Variants in PTPRK observed in about 807,000 individuals in gnomAD.
PTPRK encodes protein tyrosine phosphatase receptor type K, also known as receptor-type tyrosine-protein phosphatase kappa.
In PTPRK, 75 loss-of-function variants were observed where a neutral mutation model predicts 178.0. The observed-to-expected ratio is 0.42, with a 90% CI of 0.35 to 0.51. The LOEUF (loss-of-function observed/expected upper bound fraction) is 0.51. PTPRK is among the 20% of genes least tolerant of loss of function. The pLI is 0.02. For missense variants in PTPRK, 1,441 were observed against 1,797.8 expected, an observed-to-expected ratio of 0.80 and a Z score of 3.59; for synonymous variants, 637 against 620.6, an observed-to-expected ratio of 1.03 and a Z score of -0.39.
rs779139088 is a variant in PTPRK, at chr6:127,977,102, T to C, written c.3712-48A>G. ...GAGAAATATAAAAACTTAAAATGTA[T>C]GATCGGTTGTACAAACAGATACAAT... On this transcript the variant is annotated intron_variant, in intron 25 of 29. Coordinates refer to ENST00000368226, the MANE Select transcript of PTPRK (RefSeq NM_002844.4). The C allele has an allele frequency of 1.9e-6, 3 of 1,579,434 alleles. No homozygotes were observed. In the South Asian group the frequency reaches 3.3e-5, roughly 18 times the overall value.
In PTPRK at chr6:128,209,692, G is replaced by C. The variant is rs55736546; in HGVS notation, c.868+9230C>G. Among the ~76,000 whole-genome samples the C allele has an allele frequency of 6.6e-3, 976 of 148,018 alleles. 10 individuals are homozygous for C. Among genetic ancestry groups the C allele is most frequent in the African/African-American group, 0.024 (949 of 39,126 alleles). On this transcript the variant is annotated intron_variant, in intron 6 of 29. Coordinates refer to ENST00000368226, the MANE Select transcript of PTPRK (RefSeq NM_002844.4). The stretch of plus-strand genomic sequence containing the variant: ...CCAATCATGAGTGAGCAAAAGGAAA[G>C]GGGTCCCTAAGTACATCAGTCTCAT...
At chr6:127,986,345 G>A (rs1010131030) in intron 21 of PTPRK, among the ~76,000 whole-genome samples, 1 of 152,182 alleles carries the variant, frequency 6.6e-6, no homozygotes, top group Non-Finnish European at 1.5e-5. Flanking sequence ...AGCATAGCAT[G>A]TAGGGATTTT....
At chr6:128,032,507 G>A (rs956496100) in intron 13 of PTPRK, among the ~76,000 whole-genome samples, 5 of 152,100 alleles carry the variant, frequency 3.3e-5, no homozygotes, top group Admixed American at 6.6e-5. Context: ...AGATAATCCA[G>A]GAAATTTTAA....
chr6:128,368,829 G>A (rs778633695), intron 2 of PTPRK, among the ~76,000 whole-genome samples: 5 of 151,840 alleles, frequency 3.3e-5, no homozygotes, highest in Non-Finnish European at 7.4e-5. Context: ...TACAATTATA[G>A]ACTACAATAA....
chr6:128,028,008 C>A (rs933179715), intron 13 of PTPRK: 4 of 152,210 alleles, frequency 2.6e-5, no homozygotes, highest in African/African-American at 9.7e-5. Context: ...TCCTAATCTA[C>A]CTGCAGCTTT....
At chr6:128,512,859 T>C (rs550242964) in intron 1 of PTPRK, among the ~76,000 whole-genome samples, 1 of 152,286 alleles carries the variant, frequency 6.6e-6, no homozygotes, top group South Asian at 2.1e-4. Context: ...AGCTCCTTAC[T>C]ACAAAGATCT....
At chr6:128,059,244 C>G (rs185884173) in intron 13 of PTPRK, among the ~76,000 whole-genome samples, 1 of 152,038 alleles carries the variant, frequency 6.6e-6, no homozygotes, top group Non-Finnish European at 1.5e-5. Flanking sequence ...GACATTTCAC[C>G]AATATTGAAT....
chr6:127,982,127 C>T (rs1775416541), intron 24 of PTPRK, among the ~76,000 whole-genome samples: 1 of 152,078 alleles, frequency 6.6e-6, no homozygotes, highest in Non-Finnish European at 1.5e-5. Context: ...TGTGAGCTGC[C>T]ACTGAACCCA....
intron 10 of PTPRK, among the ~76,000 whole-genome samples, chr6:128,081,507 T>A (rs1784816364): frequency 6.6e-6 from 1 of 151,896 alleles, no homozygotes; most frequent in Non-Finnish European, 1.5e-5. Flanking sequence ...ATGGTATAGA[T>A]TAAAAAAATG....
At chr6:128,319,045 T>C (rs1040560547) in intron 3 of PTPRK, among the ~76,000 whole-genome samples, 4 of 152,174 alleles carry the variant, frequency 2.6e-5, no homozygotes, top group African/African-American at 9.6e-5. Context: ...GTTCCTTATA[T>C]GTTAGTGGAT....
chr6:128,044,692 T>C (rs1313738794), intron 13 of PTPRK, among the ~76,000 whole-genome samples: 15 of 151,924 alleles, frequency 9.9e-5, no homozygotes, highest in Admixed American at 9.2e-4. Flanking sequence ...ATCAACTCAG[T>C]GAGGATTTAT....
At chr6:128,379,555 G>A (rs933767812) in intron 2 of PTPRK, among the ~76,000 whole-genome samples, 10 of 152,184 alleles carry the variant, frequency 6.6e-5, no homozygotes, top group African/African-American at 2.4e-4. Flanking sequence ...AGGACAATCT[G>A]TCCATGTCAT....
chr6:128,403,915 C>G (rs79672743), intron 1 of PTPRK, among the ~76,000 whole-genome samples: 1 of 152,124 alleles, frequency 6.6e-6, no homozygotes, highest in Non-Finnish European at 1.5e-5. Flanking sequence ...TTTGTCATAA[C>G]TACAAAACTC....
intron 1 of PTPRK, among the ~76,000 whole-genome samples, chr6:128,476,433 C>T (rs911550167): frequency 2.0e-5 from 3 of 152,042 alleles, no homozygotes; most frequent in African/African-American, 7.2e-5. Context: ...TGGGTAGCAT[C>T]TTGCTCATGA....
At chr6:128,162,053 G>A (rs2114608886) in intron 7 of PTPRK, among the ~76,000 whole-genome samples, 1 of 151,546 alleles carries the variant, frequency 6.6e-6, no homozygotes, top group Non-Finnish European at 1.5e-5. Context: ...GAGCTTACAA[G>A]GTTAACATCA....
At chr6:128,348,684 T>C (rs995887704) in intron 2 of PTPRK, among the ~76,000 whole-genome samples, 4 of 152,028 alleles carry the variant, frequency 2.6e-5, no homozygotes, top group African/African-American at 9.6e-5. Context: ...TAATCCAATA[T>C]AATGGTCGAA....
In PTPRK at chr6:128,377,710, C is replaced by CA. The variant is rs991136121; in HGVS notation, c.223+19855dup. Among the ~76,000 whole-genome samples the CA allele has an allele frequency of 6.5e-3, 795 of 121,804 alleles. 5 individuals carry two copies. Among genetic ancestry groups the CA allele is most frequent in the African/African-American group, 0.018 (607 of 32,986 alleles). The allele number at this position is 121,804 out of a possible 152,430, so 79.9% of individuals were successfully genotyped here. On this transcript the variant is annotated intron_variant, in intron 2 of 29. Coordinates refer to ENST00000368226, the MANE Select transcript of PTPRK (RefSeq NM_002844.4). Reference sequence around the variant, plus strand: ...CTTCATTAAAGCAAGAAGCAACCAACAAAAAAAAAAGAAAAAAAACCCAGA... The same window carrying CA: ...CTTCATTAAAGCAAGAAGCAACCAACAAAAAAAAAAAGAAAAAAAACCCAGA...
chr6:128,427,077 A>C (rs1844232121), intron 1 of PTPRK, among the ~76,000 whole-genome samples: 1 of 152,208 alleles, frequency 6.6e-6, no homozygotes, highest in South Asian at 2.1e-4. Context: ...TGCCATTAGT[A>C]CTGAACAGGC....
At chr6:128,243,447 A>G (rs1814835444) in intron 3 of PTPRK, among the ~76,000 whole-genome samples, 1 of 146,710 alleles carries the variant, frequency 6.8e-6, no homozygotes, top group South Asian at 2.2e-4. Context: ...TGAGCCCAGA[A>G]GTTCAAGACC....
Sources: allele counts gnomAD v4.1 joint callset (sites outside exome capture counted in the v4.1 genomes callset), GRCh38; gene constraint gnomAD v4.1.1; transcripts MANE v1.5; gene names NCBI Gene and HGNC (gene_info 2026-07-23, HGNC 2026-07-21).